Variants in RALGAPA2 observed in about 807,000 individuals in gnomAD.
RALGAPA2 encodes ral GTPase-activating protein subunit alpha-2.
A neutral mutation model predicts 230.4 loss-of-function variants in RALGAPA2; 139 were observed. The observed-to-expected ratio is 0.60, with a 90% CI of 0.53 to 0.69. RALGAPA2 has a LOEUF of 0.69. Ranked by LOEUF, RALGAPA2 falls within the 30% of genes least tolerant of loss-of-function variation. RALGAPA2 has a pLI of 0.00. For missense variants in RALGAPA2, 2,163 were observed against 2,276.0 expected (o/e 0.95, Z 1.01); for synonymous variants, 847 against 837.8 (o/e 1.01, Z -0.19).
chr20:20,581,375 C>G (rs1042744488), intron 20 of RALGAPA2, among the ~76,000 whole-genome samples: 7 of 152,140 alleles, frequency 4.6e-5, no homozygotes, highest in African/African-American at 1.4e-4. Flanking sequence ...TGATGACTTT[C>G]TTTTGGATAA....
intron 37 of RALGAPA2, among the ~76,000 whole-genome samples, chr20:20,452,032 A>G (rs1379967920): frequency 6.6e-6 from 1 of 152,234 alleles, no homozygotes; most frequent in Non-Finnish European, 1.5e-5. Context: ...CTAAACAATT[A>G]CAAGTGTTCA....
chr20:20,518,978 T>C (rs141155653), intron 31 of RALGAPA2, among the ~76,000 whole-genome samples: 1,533 of 152,278 alleles, frequency 0.01, 13 homozygotes, highest in Non-Finnish European at 0.014. Context: ...GACATTGCAG[T>C]TGACAGTGGA....
At chr20:20,642,031 C>T in intron 5 of RALGAPA2, among the ~76,000 whole-genome samples, 1 of 150,068 alleles carries the variant, frequency 6.7e-6, no homozygotes, top group Non-Finnish European at 1.5e-5. Context: ...AACCTCCATG[C>T]CCACTCACAC....
intron 4 of RALGAPA2, among the ~76,000 whole-genome samples, chr20:20,650,308 A>C (rs2067354970): frequency 6.6e-6 from 1 of 152,222 alleles, no homozygotes; most frequent in South Asian, 2.1e-4. Context: ...ATAAGATGAC[A>C]TGATAAGAAA....
chr20:20,654,493 T>A (rs968617841), intron 3 of RALGAPA2, among the ~76,000 whole-genome samples: 1 of 152,202 alleles, frequency 6.6e-6, no homozygotes, highest in Non-Finnish European at 1.5e-5. Flanking sequence ...TCCAGCCCCA[T>A]GCAGTATCTT....
intron 3 of RALGAPA2, among the ~76,000 whole-genome samples, chr20:20,664,765 G>C (rs2067903333): frequency 6.6e-6 from 1 of 152,266 alleles, no homozygotes; most frequent in South Asian, 2.1e-4. Context: ...ACCCCAGTGA[G>C]ATGCCACTAC....
intron 1 of RALGAPA2, among the ~76,000 whole-genome samples, chr20:20,710,428 G>A (rs987272326): frequency 6.6e-6 from 1 of 152,126 alleles, no homozygotes; most frequent in East Asian, 1.9e-4. Context: ...ACAGGAGCAA[G>A]TGAAAGTTTA....
Position 20,635,555 on chromosome 20 carries a change from A to G in RALGAPA2, c.868T>C (p.Tyr290His). Reference sequence around the variant, plus strand: ...GCCATATATGGAATCTTTGTACTGTAAATGTTCTCATTGTCTCGAGTGGTA... The same window carrying G: ...GCCATATATGGAATCTTTGTACTGTGAATGTTCTCATTGTCTCGAGTGGTA... ...ITTTRDNENIYSTKIPYMAAR... is the reference protein window; with the variant it reads ...ITTTRDNENIHSTKIPYMAAR... The change falls in exon 9 of 40, where the codon TAC (tyrosine) becomes CAC (histidine). Residue 290 changes from tyrosine (Y) to histidine (H), a missense_variant. By Grantham distance (83) the Tyr-to-His change is moderately conservative (BLOSUM62 2). Transcript: ENST00000202677. 6.3e-7 allele frequency: 1 copy of G among 1,589,964 alleles called. No individual in the cohort carries two copies. The highest frequency in any genetic ancestry group is 8.5e-7 in the Non-Finnish European group (1 of 1,171,816).
intron 37 of RALGAPA2, among the ~76,000 whole-genome samples, chr20:20,423,949 A>C (rs1685954735): frequency 6.6e-6 from 1 of 152,248 alleles, no homozygotes; most frequent in African/African-American, 2.4e-5. Flanking sequence ...AAGTTTAAGA[A>C]TAATTCTGAG....
At chr20:20,671,461 C>A (rs552578631) in intron 3 of RALGAPA2, among the ~76,000 whole-genome samples, 1 of 152,292 alleles carries the variant, frequency 6.6e-6, no homozygotes, top group African/African-American at 2.4e-5. Context: ...ACTTCCAAAC[C>A]CTTATAAACT....
chr20:20,422,989 G>A (rs1256973293), intron 37 of RALGAPA2, among the ~76,000 whole-genome samples: 1 of 152,182 alleles, frequency 6.6e-6, no homozygotes, highest in Non-Finnish European at 1.5e-5. Context: ...ATCTCCGAAG[G>A]TTTTAAAACA....
In RALGAPA2 at chr20:20,609,770, G is replaced by A. The variant is rs371787598; in HGVS notation, c.1800+1545C>T. 7.9e-5 allele frequency among the ~76,000 whole-genome samples: 12 copies of A among 152,332 alleles called. No individual in the cohort carries two copies. In the South Asian group the frequency reaches 2.5e-3, roughly 32 times the overall value. Reference sequence around the variant, plus strand: ...TGAGACGCTTCGCTGAGAAAGCAAAGTGTGCAGTGTCCATATGTCCAGGCA... The same window carrying A: ...TGAGACGCTTCGCTGAGAAAGCAAAATGTGCAGTGTCCATATGTCCAGGCA... On this transcript the variant is annotated intron_variant, in intron 14 of 39. Coordinates refer to ENST00000202677, the MANE Select transcript of RALGAPA2 (RefSeq NM_020343.4).
At chr20:20,582,206 G>C (rs567166846) in intron 20 of RALGAPA2, among the ~76,000 whole-genome samples, 1 of 151,196 alleles carries the variant, frequency 6.6e-6, no homozygotes, top group East Asian at 1.9e-4. Flanking sequence ...GTCTGTGTGT[G>C]TGTAGCTAAA....
At position 20,709,914 on chromosome 20, in the gene RALGAPA2, C is replaced by A. The variant is rs557152485; in HGVS notation, c.106+2461G>T. Among the ~76,000 whole-genome samples the A allele has an allele frequency of 1.8e-3, 271 of 152,192 alleles. 1 individual carries two copies. The highest frequency in any genetic ancestry group is 3.1e-3 in the Non-Finnish European group (214 of 68,012). On this transcript the variant is annotated intron_variant, in intron 1 of 39. Transcript: ENST00000202677. ...AAAAATTACCTATCAAAATACTGGT[C>A]CTATCCTATTAATGGTGGGAGATAT...
chr20:20,467,579 A>G (rs934961706), intron 37 of RALGAPA2, among the ~76,000 whole-genome samples: 1 of 152,106 alleles, frequency 6.6e-6, no homozygotes, highest in Admixed American at 6.5e-5. Context: ...TGATTGATTG[A>G]TTGATTGATT....
intron 12 of RALGAPA2, among the ~76,000 whole-genome samples, chr20:20,616,807 G>C (rs577481241): frequency 9.9e-5 from 15 of 152,198 alleles, no homozygotes; most frequent in African/African-American, 3.6e-4. Context: ...TTATGCAGTA[G>C]CATACAAAAT....
Position 20,640,801 on chromosome 20 carries a change from C to A in RALGAPA2, c.450G>T (p.Leu150=). ...AACCAGGCACCAGGCAAGCAAAAAT[C>A]AGAACCTGCTCTTCTGCACAGTTTG... ...LQTNCAEEQV[L]IFACLVPGFP... The change falls in exon 6 of 40, where the codon CTG becomes CTT. Residue 150 remains leucine (L), a synonymous_variant. Coordinates refer to ENST00000202677, the MANE Select transcript of RALGAPA2 (RefSeq NM_020343.4). 6.2e-7 allele frequency: 1 copy of A among 1,613,848 alleles called. No homozygotes were observed. Among genetic ancestry groups the A allele is most frequent in the Non-Finnish European group, 8.5e-7 (1 of 1,179,800 alleles).
intron 1 of RALGAPA2, among the ~76,000 whole-genome samples, chr20:20,700,749 A>G (rs925152032): frequency 6.6e-6 from 1 of 152,192 alleles, no homozygotes; most frequent in Non-Finnish European, 1.5e-5. Flanking sequence ...TATTCCCCTT[A>G]GAATCCAAGG....
chr20:20,645,765 C>T (rs980740104), intron 4 of RALGAPA2, among the ~76,000 whole-genome samples: 1 of 152,276 alleles, frequency 6.6e-6, no homozygotes, highest in African/African-American at 2.4e-5. Context: ...AAGTTAGTAA[C>T]TTCATCTCAC....
Sources: gnomAD v4.1 joint callset for allele counts (sites outside exome capture counted in the v4.1 genomes callset) on GRCh38, gnomAD v4.1.1 for gene constraint, MANE v1.5 for transcripts, NCBI Gene and HGNC (gene_info 2026-07-23, HGNC 2026-07-21) for gene names.